Variants in ADAM22 observed in about 807,000 individuals in gnomAD.
ADAM22 encodes ADAM metallopeptidase domain 22, also known as disintegrin and metalloproteinase domain-containing protein 22.
ADAM22 carries 65 observed loss-of-function variants against 144.6 expected under a neutral mutation model. The ratio of observed to expected loss-of-function variants is 0.45; its 90% CI spans 0.37 to 0.55. The LOEUF (loss-of-function observed/expected upper bound fraction) is 0.55, where lower values mean the gene tolerates loss of function less well. Ranked by LOEUF, ADAM22 falls within the 20% of genes least tolerant of loss-of-function variation. The probability of loss-of-function intolerance (pLI) is 0.00; values close to 1 mark genes in which losing one functional copy is unlikely to be tolerated. For missense variants in ADAM22, 974 were observed against 1,184.9 expected, an observed-to-expected ratio of 0.82 and a Z score of 2.61; for synonymous variants, 391 against 412.6, an observed-to-expected ratio of 0.95 and a Z score of 0.63.
At chr7:88,160,848 A>T (rs1369597296) in intron 22 of ADAM22, among the ~76,000 whole-genome samples, 1 of 152,152 alleles carries the variant, frequency 6.6e-6, no homozygotes, top group Admixed American at 6.6e-5. Context: ...CATCATTCTC[A>T]GCAAACTACC....
intron 3 of ADAM22, among the ~76,000 whole-genome samples, chr7:88,058,066 G>T (rs925803267): frequency 6.6e-6 from 1 of 152,116 alleles, no homozygotes; most frequent in Non-Finnish European, 1.5e-5. Flanking sequence ...GATAGTGAGG[G>T]TATAATAAAC....
At chr7:87,966,721 GTTTTTTTTTTTTTT>G (rs71120012) in intron 2 of ADAM22, among the ~76,000 whole-genome samples, 9 of 39,886 alleles carry the variant, frequency 2.3e-4, no homozygotes, top group East Asian at 2.0e-3. Context: ...AAGGAAAGCC[GTTTTTTTTTTTTTT>G]TTTTTTTTTT....
intron 2 of ADAM22, among the ~76,000 whole-genome samples, 182 bp from the exon 3 acceptor site, chr7:87,978,154 C>T (rs1183737256): frequency 6.6e-6 from 1 of 152,144 alleles, no homozygotes; most frequent in Non-Finnish European, 1.5e-5. Flanking sequence ...ATTTACTTCA[C>T]ATTGGTGAAT....
At chr7:87,957,427 A>C (rs1847039159) in intron 2 of ADAM22, among the ~76,000 whole-genome samples, 1 of 152,210 alleles carries the variant, frequency 6.6e-6, no homozygotes, top group Non-Finnish European at 1.5e-5. Context: ...ACCACCCAGA[A>C]TGAACAAAAT....
chr7:88,154,736 G>T (rs1325523653), intron 21 of ADAM22, among the ~76,000 whole-genome samples: 2 of 152,006 alleles, frequency 1.3e-5, no homozygotes, highest in Non-Finnish European at 2.9e-5. Context: ...TCTCTTCTCT[G>T]TTGAGAAAGC....
At chr7:88,021,963 C>G (rs1052078276) in intron 3 of ADAM22, among the ~76,000 whole-genome samples, 2 of 151,988 alleles carry the variant, frequency 1.3e-5, no homozygotes, top group Non-Finnish European at 2.9e-5. Flanking sequence ...GCCTTGAACT[C>G]CAGGGCTCAA....
chr7:88,092,303 C>T (rs373870707), intron 4 of ADAM22, among the ~76,000 whole-genome samples: 18 of 152,226 alleles, frequency 1.2e-4, no homozygotes, highest in East Asian at 3.9e-4. Context: ...TTTTACCCTC[C>T]GTTCCACAAC....
chr7:87,960,094 T>G (rs1220167287), intron 2 of ADAM22, among the ~76,000 whole-genome samples: 1 of 152,202 alleles, frequency 6.6e-6, no homozygotes, highest in Admixed American at 6.5e-5. Context: ...ACTGAAGAAC[T>G]TCCATGTTCT....
intron 3 of ADAM22, among the ~76,000 whole-genome samples, chr7:88,028,529 T>G (rs1454041247): frequency 6.6e-6 from 1 of 152,162 alleles, no homozygotes; most frequent in Non-Finnish European, 1.5e-5. Context: ...GTCTGATGTT[T>G]CCTTGTTGAT....
At chr7:87,992,463 G>A (rs1434876905) in intron 3 of ADAM22, among the ~76,000 whole-genome samples, 4 of 152,100 alleles carry the variant, frequency 2.6e-5, no homozygotes, top group Non-Finnish European at 4.4e-5. Context: ...ACGTTAGTAC[G>A]TTTTTCATAA....
At chr7:88,015,267 A>T (rs892234591) in intron 3 of ADAM22, among the ~76,000 whole-genome samples, 2 of 152,212 alleles carry the variant, frequency 1.3e-5, no homozygotes, top group Admixed American at 1.3e-4. Flanking sequence ...CACTTAATAA[A>T]TATTAATTAT....
intron 14 of ADAM22, among the ~76,000 whole-genome samples, chr7:88,140,612 T>C (rs780955075): frequency 1.5e-4 from 23 of 151,978 alleles, no homozygotes; most frequent in Non-Finnish European, 3.2e-4. Context: ...TCCCAGAACT[T>C]TGGGAGGATC....
intron 5 of ADAM22, among the ~76,000 whole-genome samples, chr7:88,111,949 C>T (rs949783959): frequency 2.8e-4 from 43 of 152,102 alleles, no homozygotes; most frequent in African/African-American, 1.0e-3. Flanking sequence ...TGGACATTAA[C>T]CTAGTATAAG....
At chr7:88,134,911 G>C (rs1056664504) in intron 13 of ADAM22, among the ~76,000 whole-genome samples, 3 of 152,028 alleles carry the variant, frequency 2.0e-5, no homozygotes, top group African/African-American at 7.3e-5. Flanking sequence ...AGTAGGTAAA[G>C]TCACTTTACC....
chr7:87,993,874 A>G (rs1248854183), intron 3 of ADAM22, among the ~76,000 whole-genome samples: 1 of 152,206 alleles, frequency 6.6e-6, no homozygotes, highest in African/African-American at 2.4e-5. Flanking sequence ...TGAAAAAGCA[A>G]TATATACACA....
Position 88,163,696 on chromosome 7 carries a change from C to T in ADAM22, c.2076+516C>T, listed in dbSNP as rs114399442. Among the ~76,000 whole-genome samples the T allele has an allele frequency of 2.8e-3, 429 of 152,054 alleles. 2 individuals are homozygous for T. Among genetic ancestry groups the T allele is most frequent in the African/African-American group, 9.7e-3 (403 of 41,518 alleles). On this transcript the variant is annotated intron_variant, in intron 23 of 31. Transcript: ENST00000413139. ...TTTCTTACAGATGAGTAGAAAAAAA[C>T]GGCATTTGAAAGACTTTTAATTCTA...
chr7:88,191,217 G>A (rs1586651637), intron 30 of ADAM22, among the ~76,000 whole-genome samples: 1 of 152,338 alleles, frequency 6.6e-6, no homozygotes, highest in Non-Finnish European at 1.5e-5. Context: ...AAAGATATTT[G>A]AGGGGAAGAC....
intron 3 of ADAM22, among the ~76,000 whole-genome samples, chr7:88,033,165 TG>T (rs1300386044): frequency 6.6e-6 from 1 of 152,238 alleles, no homozygotes; most frequent in African/African-American, 2.4e-5. Flanking sequence ...TGGGCTTCTT[TG>T]TACCTGTCTT....
At position 88,062,819 on chromosome 7, in the gene ADAM22, A is replaced by G. The variant is rs545228438; in HGVS notation, c.324-12807A>G. Among the ~76,000 whole-genome samples the G allele has an allele frequency of 2.5e-4, 38 of 152,244 alleles. No homozygotes were observed. The South Asian group carries it at 7.0e-3, about 28-fold the overall frequency. ...AGGGTTATTAATTGACCTAATTTCCATATTGTTTTGTCTCAGGGAATAGGG... is the reference window on the plus strand; with the variant it reads ...AGGGTTATTAATTGACCTAATTTCCGTATTGTTTTGTCTCAGGGAATAGGG... On this transcript the variant is annotated intron_variant, in intron 3 of 31. Transcript: ENST00000413139.
Sources: allele counts gnomAD v4.1 joint callset (sites outside exome capture counted in the v4.1 genomes callset), GRCh38; gene constraint gnomAD v4.1.1; transcripts MANE v1.5; gene names NCBI Gene and HGNC (gene_info 2026-07-23, HGNC 2026-07-21).